The following SESN1 variants were observed in gnomAD, a reference collection of about 807,000 sequenced individuals.
SESN1 encodes the protein sestrin 1.
A neutral mutation model predicts 59.3 loss-of-function variants in SESN1; 30 were observed. That is an observed-to-expected ratio of 0.51 (90% confidence interval 0.38 to 0.69). The LOEUF is 0.69. SESN1 is among the 30% of genes least tolerant of loss of function. The pLI, the probability that SESN1 is intolerant of heterozygous loss-of-function variation, is 0.00. For missense variants in SESN1, 566 were observed against 673.0 expected, an observed-to-expected ratio of 0.84 and a Z score of 1.76; for synonymous variants, 197 against 219.9, an observed-to-expected ratio of 0.90 and a Z score of 0.92.
chr6:109,084,418 G>A (rs998238388), intron 1 of SESN1, among the ~76,000 whole-genome samples: 24 of 152,226 alleles, frequency 1.6e-4, no homozygotes, highest in South Asian at 8.3e-4. Context: ...GCCGGGCATC[G>A]TGGCGGGAGC....
At chr6:108,998,340 A>T in intron 5 of SESN1, 173 bp downstream of exon 5, 1 of 639,428 alleles carries the variant, frequency 1.6e-6, no homozygotes, top group Non-Finnish European at 2.6e-6. Flanking sequence ...CACCTAGACT[A>T]GTGATGAGCA....
At chr6:109,090,370 G>C (rs1781291786) in intron 1 of SESN1, among the ~76,000 whole-genome samples, 1 of 152,076 alleles carries the variant, frequency 6.6e-6, no homozygotes, top group South Asian at 2.1e-4. Context: ...GGGGTTAGGG[G>C]GCCAACCCTC....
At chr6:109,055,904 T>C (rs1307021081) in intron 1 of SESN1, among the ~76,000 whole-genome samples, 1 of 152,210 alleles carries the variant, frequency 6.6e-6, no homozygotes. Flanking sequence ...ATCTGAAAAC[T>C]GGCATTGGGT....
At chr6:109,065,443 T>C (rs1200430049) in intron 1 of SESN1, among the ~76,000 whole-genome samples, 1 of 152,176 alleles carries the variant, frequency 6.6e-6, no homozygotes, top group Non-Finnish European at 1.5e-5. Context: ...AACTAAAATA[T>C]AAATTCACTT....
intron 4 of SESN1, 157 bp downstream of exon 4, chr6:109,000,334 G>T (rs1439183310): frequency 6.1e-6 from 3 of 495,044 alleles, no homozygotes; most frequent in Admixed American, 3.9e-5. Flanking sequence ...ATGTACCACA[G>T]AAATGCTGTA....
At chr6:109,030,072 T>C (rs1780157411) in intron 1 of SESN1, among the ~76,000 whole-genome samples, 1 of 152,160 alleles carries the variant, frequency 6.6e-6, no homozygotes, top group African/African-American at 2.4e-5. Context: ...CCTTTTAACT[T>C]GGCCATAGCT....
intron 1 of SESN1, among the ~76,000 whole-genome samples, chr6:109,068,493 A>C (rs1780872612): frequency 6.6e-6 from 1 of 152,182 alleles, no homozygotes; most frequent in African/African-American, 2.4e-5. Flanking sequence ...GGAACTCTCC[A>C]AGATATAAAG....
At chr6:108,989,365 G>A (rs188882192) in intron 8 of SESN1, among the ~76,000 whole-genome samples, 1 of 151,892 alleles carries the variant, frequency 6.6e-6, no homozygotes, top group Non-Finnish European at 1.5e-5. Context: ...AATTACATTT[G>A]TTATTGGTAC....
intron 9 of SESN1, chr6:108,988,267 T>A (rs1468699830): frequency 3.7e-6 from 1 of 273,432 alleles, no homozygotes; most frequent in African/African-American, 2.2e-5. Flanking sequence ...CACTTCTACC[T>A]ATACACAGCT....
At chr6:108,990,544 G>GT in intron 8 of SESN1, 101 bp downstream of exon 8, 1 of 1,050,568 alleles carries the variant, frequency 9.5e-7, no homozygotes. Context: ...GAGGGGATGG[G>GT]TTTTGATTAT....
intron 1 of SESN1, among the ~76,000 whole-genome samples, chr6:109,046,006 A>G (rs944695299): frequency 2.0e-5 from 3 of 152,230 alleles, no homozygotes; most frequent in African/African-American, 7.2e-5. Flanking sequence ...CCAATGCCTC[A>G]ACTTTCAATA....
chr6:109,049,620 C>T lies in SESN1; in HGVS notation c.279+44175G>A, dbSNP rs977024846. Among the ~76,000 whole-genome samples, 3 of 151,632 alleles carry T rather than the reference C, an allele frequency of 2.0e-5. No homozygotes were observed. In the East Asian group the frequency reaches 5.8e-4, roughly 29 times the overall value. ...ATCACTGCACATTGTAATTGAAACA[C>T]TATTATGTACCCCATAATTATGTAC... On this transcript the variant is annotated intron_variant, in intron 1 of 9. Transcript: ENST00000436639.
intron 1 of SESN1, among the ~76,000 whole-genome samples, chr6:109,014,897 G>T (rs1779909322): frequency 1.3e-5 from 2 of 152,260 alleles, no homozygotes; most frequent in African/African-American, 4.8e-5. Context: ...AATTTTGTAA[G>T]TTACTGATAC....
chr6:109,035,504 G>A (rs1421096105), intron 1 of SESN1, among the ~76,000 whole-genome samples: 1 of 151,582 alleles, frequency 6.6e-6, no homozygotes, highest in South Asian at 2.1e-4. Context: ...AAGGTGTTCA[G>A]GACTCTTGGG....
At chr6:109,043,130 A>G (rs1402145788) in intron 1 of SESN1, among the ~76,000 whole-genome samples, 2 of 152,190 alleles carry the variant, frequency 1.3e-5, no homozygotes, top group Admixed American at 1.3e-4. Flanking sequence ...ACATTTGAGT[A>G]AATTTAACAC....
intron 1 of SESN1, among the ~76,000 whole-genome samples, chr6:109,089,348 G>A (rs1019823003): frequency 1.3e-5 from 2 of 152,246 alleles, no homozygotes; most frequent in Non-Finnish European, 2.9e-5. Context: ...GCCAGATAAT[G>A]CTGGGTACTA....
intron 1 of SESN1, among the ~76,000 whole-genome samples, chr6:109,004,124 T>C (rs1159854687): frequency 6.6e-6 from 1 of 151,992 alleles, no homozygotes; most frequent in Non-Finnish European, 1.5e-5. Flanking sequence ...TATAACATGC[T>C]TTACCCCACA....
chr6:109,049,562 T>G (rs139802131), intron 1 of SESN1, among the ~76,000 whole-genome samples: 260 of 152,156 alleles, frequency 1.7e-3, no homozygotes, highest in African/African-American at 5.7e-3. Context: ...AAATAACTGT[T>G]TAGATGACGG....
intron 7 of SESN1, among the ~76,000 whole-genome samples, chr6:108,991,612 G>A (rs2114266674): frequency 6.6e-6 from 1 of 152,196 alleles, no homozygotes; most frequent in South Asian, 2.1e-4. Flanking sequence ...CTGCCTTTTA[G>A]CCCTATTAAC....
Sources: gnomAD v4.1 joint callset for allele counts (sites outside exome capture counted in the v4.1 genomes callset) on GRCh38, gnomAD v4.1.1 for gene constraint, MANE v1.5 for transcripts, NCBI Gene and HGNC (gene_info 2026-07-23, HGNC 2026-07-21) for gene names.